PPM1H: variants seen among roughly 807,000 people sequenced by gnomAD.
The protein encoded by PPM1H is protein phosphatase, Mg2+/Mn2+ dependent 1H, also known as protein phosphatase 1H.
In PPM1H, 27 loss-of-function variants were observed where a neutral mutation model predicts 54.9. That is an observed-to-expected ratio of 0.49 (90% CI 0.36 to 0.68). The LOEUF (loss-of-function observed/expected upper bound fraction) is 0.68, where lower values mean the gene tolerates loss of function less well. PPM1H is among the 30% of genes least tolerant of loss of function. The pLI is 0.00. For missense variants in PPM1H, 596 were observed against 667.8 expected (o/e 0.89, Z 1.19); for synonymous variants, 305 against 270.8 (o/e 1.13, Z -1.24).
chr12:62,792,164 A>C (rs188090222), intron 3 of PPM1H, among the ~76,000 whole-genome samples: 5 of 152,362 alleles, frequency 3.3e-5, no homozygotes, highest in Admixed American at 1.3e-4. Context: ...CTATCACAAG[A>C]AATTCTGCTT....
chr12:62,817,401 G>A (rs1428038350), intron 2 of PPM1H, among the ~76,000 whole-genome samples: 1 of 151,560 alleles, frequency 6.6e-6, no homozygotes, highest in Non-Finnish European at 1.5e-5. Context: ...GGCGGAGCTT[G>A]CAGTGAGCCA....
At chr12:62,803,645 ATTAT>A (rs1700716879) in intron 2 of PPM1H, among the ~76,000 whole-genome samples, 1 of 152,202 alleles carries the variant, frequency 6.6e-6, no homozygotes, top group South Asian at 2.1e-4. Flanking sequence ...CTTGGCAATG[ATTAT>A]TTAGATATGA....
intron 1 of PPM1H, among the ~76,000 whole-genome samples, chr12:62,872,603 TC>T (rs1347372717): frequency 2.0e-5 from 3 of 152,230 alleles, no homozygotes; most frequent in Non-Finnish European, 2.9e-5. Flanking sequence ...ATGCATGATT[TC>T]TGTGTTGAAA....
chr12:62,699,168 C>A (rs764405247), intron 6 of PPM1H, among the ~76,000 whole-genome samples: 2 of 152,016 alleles, frequency 1.3e-5, no homozygotes, highest in Non-Finnish European at 2.9e-5. Context: ...AATGAAGAAC[C>A]TATCAATTTC....
At chr12:62,662,608 A>G (rs1173560102) in intron 9 of PPM1H, among the ~76,000 whole-genome samples, 2 of 152,202 alleles carry the variant, frequency 1.3e-5, no homozygotes, top group African/African-American at 4.8e-5. Flanking sequence ...ACAATCAGAG[A>G]AGAGTTAAGA....
intron 7 of PPM1H, 56 bp downstream of exon 7, chr12:62,693,880 A>AGCGAAG: frequency 6.6e-7 from 1 of 1,507,164 alleles, no homozygotes; most frequent in South Asian, 1.2e-5. Context: ...GGCTATGTGG[A>AGCGAAG]GCGAAGGCGG....
intron 4 of PPM1H, among the ~76,000 whole-genome samples, chr12:62,768,624 C>T (rs1392136537): frequency 6.6e-6 from 1 of 151,494 alleles, no homozygotes; most frequent in African/African-American, 2.4e-5. Context: ...CATTGCACTC[C>T]AGACTGGGCA....
intron 8 of PPM1H, among the ~76,000 whole-genome samples, chr12:62,685,234 C>G (rs2076044975): frequency 6.6e-6 from 1 of 152,200 alleles, no homozygotes; most frequent in Non-Finnish European, 1.5e-5. Context: ...ATTACCCTTT[C>G]TACTATACCA....
intron 2 of PPM1H, among the ~76,000 whole-genome samples, chr12:62,815,445 T>A (rs2076860961): frequency 6.6e-6 from 1 of 152,226 alleles, no homozygotes. Context: ...ACAAAGTTTA[T>A]AACGGTTTTT....
chr12:62,663,073 G>A (rs1443640226), intron 9 of PPM1H, among the ~76,000 whole-genome samples: 1 of 152,104 alleles, frequency 6.6e-6, no homozygotes, highest in Admixed American at 6.5e-5. Flanking sequence ...TTTTGGGGGT[G>A]GGGGAGGTGC....
intron 4 of PPM1H, chr12:62,755,317 GC>G: frequency 8.9e-7 from 1 of 1,124,812 alleles, no homozygotes; most frequent in Non-Finnish European, 1.3e-6. Context: ...GGATATTGTT[GC>G]CATCAATGAC....
intron 9 of PPM1H, among the ~76,000 whole-genome samples, chr12:62,664,429 C>G (rs947308971): frequency 1.3e-5 from 2 of 152,116 alleles, no homozygotes; most frequent in African/African-American, 4.8e-5. Context: ...AGTTTCCTCT[C>G]CTTTACTAGT....
chr12:62,930,231 T>C (rs1223601332), intron 1 of PPM1H, among the ~76,000 whole-genome samples: 4 of 152,208 alleles, frequency 2.6e-5, no homozygotes, highest in Non-Finnish European at 5.9e-5. Context: ...ATCAAAAATT[T>C]CATAATTTTC....
intron 4 of PPM1H, chr12:62,755,887 C>A: frequency 3.8e-6 from 3 of 781,346 alleles, no homozygotes; most frequent in East Asian, 5.0e-5. Context: ...TGGGCAAGGT[C>A]ATCCCTGAGC....
intron 4 of PPM1H, among the ~76,000 whole-genome samples, chr12:62,777,805 A>G (rs1034150329): frequency 3.3e-5 from 5 of 152,262 alleles, no homozygotes; most frequent in African/African-American, 9.6e-5. Context: ...AAACATCAGT[A>G]TAGTCACACC....
intron 1 of PPM1H, among the ~76,000 whole-genome samples, chr12:62,927,264 T>C (rs920789792): frequency 6.6e-6 from 1 of 152,166 alleles, no homozygotes; most frequent in African/African-American, 2.4e-5. Context: ...AGAAAACATA[T>C]GAAGATATTC....
intron 8 of PPM1H, among the ~76,000 whole-genome samples, chr12:62,689,383 G>A (rs138002351): frequency 4.5e-4 from 69 of 152,246 alleles, no homozygotes; most frequent in African/African-American, 1.6e-3. Flanking sequence ...TGCCTGGGCT[G>A]CCATTGAAGG....
At chr12:62,762,616 C>T (rs533063049) in intron 4 of PPM1H, among the ~76,000 whole-genome samples, 1 of 152,208 alleles carries the variant, frequency 6.6e-6, no homozygotes, top group South Asian at 2.1e-4. Context: ...AGTGAAGATG[C>T]TATACAATCT....
At chr12:62,650,675 C>T (rs1020718270) in intron 9 of PPM1H, among the ~76,000 whole-genome samples, 5 of 152,018 alleles carry the variant, frequency 3.3e-5, no homozygotes, top group South Asian at 2.1e-4. Flanking sequence ...AAAATCATGC[C>T]GGATGGTGAA....
Sources: gnomAD v4.1 joint callset for allele counts (sites outside exome capture counted in the v4.1 genomes callset) on GRCh38, gnomAD v4.1.1 for gene constraint, MANE v1.5 for transcripts, NCBI Gene and HGNC (gene_info 2026-07-23, HGNC 2026-07-21) for gene names.